The following CSMD1 variants were observed in gnomAD, a reference collection of about 807,000 sequenced individuals.
The protein encoded by CSMD1 is CUB and sushi domain-containing protein 1.
Under a neutral mutation model 417.5 loss-of-function variants are expected in CSMD1, and 213 were observed. The observed-to-expected ratio is 0.51, with a 90% CI of 0.46 to 0.57. The LOEUF is 0.57. Ranked by LOEUF, CSMD1 falls within the 20% of genes least tolerant of loss-of-function variation. The pLI is 0.00. For synonymous variants in CSMD1, 2,862 were observed against 1,736.8 expected (o/e 1.65, Z -16.11); for missense variants, 6,923 against 4,529.7 (o/e 1.53, Z -15.17).
chr8:3,787,802 T>A (rs982385807), intron 5 of CSMD1, among the ~76,000 whole-genome samples: 2 of 152,292 alleles, frequency 1.3e-5, no homozygotes, highest in Middle Eastern at 3.4e-3. Flanking sequence ...TTTAGTACTT[T>A]AAATGTGCTG....
At chr8:3,188,371 A>G (rs1159976654) in intron 35 of CSMD1, among the ~76,000 whole-genome samples, 3 of 136,756 alleles carry the variant, frequency 2.2e-5, no homozygotes, top group Non-Finnish European at 3.0e-5. Context: ...CAATGGTGCA[A>G]TCTTGGCTCA....
intron 2 of CSMD1, among the ~76,000 whole-genome samples, chr8:4,442,843 C>G (rs193006049): frequency 6.6e-6 from 1 of 152,088 alleles, no homozygotes; most frequent in Non-Finnish European, 1.5e-5. Flanking sequence ...CCTTTATTTA[C>G]ATGATTTGAG....
chr8:3,545,549 T>C (rs983264469), intron 10 of CSMD1, among the ~76,000 whole-genome samples: 1 of 152,108 alleles, frequency 6.6e-6, no homozygotes, highest in Non-Finnish European at 1.5e-5. Flanking sequence ...TCTAATGTGA[T>C]GTAGACTACA....
intron 54 of CSMD1, among the ~76,000 whole-genome samples, chr8:2,985,847 G>A (rs1805847523): frequency 1.3e-5 from 2 of 151,644 alleles, no homozygotes; most frequent in African/African-American, 2.4e-5. Context: ...ATGTGCTCCA[G>A]GAGGCCCCAG....
chr8:4,293,579 A>C (rs1001012648), intron 3 of CSMD1, among the ~76,000 whole-genome samples: 1 of 152,228 alleles, frequency 6.6e-6, no homozygotes, highest in Non-Finnish European at 1.5e-5. Flanking sequence ...TAGGCACAAT[A>C]AAAGAGCTCA....
intron 1 of CSMD1, among the ~76,000 whole-genome samples, chr8:4,715,779 C>A (rs1460408942): frequency 6.6e-6 from 1 of 152,162 alleles, no homozygotes. Flanking sequence ...TGTTATCTCC[C>A]CCTTCAAAAC....
chr8:4,286,603 G>A (rs780491253), intron 3 of CSMD1, among the ~76,000 whole-genome samples: 1 of 152,078 alleles, frequency 6.6e-6, no homozygotes, highest in South Asian at 2.1e-4. Context: ...TCATCTATTA[G>A]GTTTGGGAAC....
chr8:3,588,922 C>G (rs1800718772), intron 8 of CSMD1, among the ~76,000 whole-genome samples: 1 of 152,014 alleles, frequency 6.6e-6, no homozygotes, highest in African/African-American at 2.4e-5. Context: ...GGCAAAGGAC[C>G]TGAATAGACA....
chr8:4,078,996 G>A (rs982691822), intron 3 of CSMD1, among the ~76,000 whole-genome samples: 1 of 146,894 alleles, frequency 6.8e-6, no homozygotes, highest in Non-Finnish European at 1.5e-5. Context: ...TGCATTAACA[G>A]TATCATATGT....
intron 1 of CSMD1, among the ~76,000 whole-genome samples, chr8:4,664,441 T>G (rs1417647279): frequency 1.3e-5 from 2 of 152,074 alleles, no homozygotes; most frequent in Admixed American, 6.6e-5. Context: ...CCGCCTGTGG[T>G]CTCAGCTACT....
chr8:4,898,924 A>G (rs1055384144), intron 1 of CSMD1, among the ~76,000 whole-genome samples: 2 of 152,216 alleles, frequency 1.3e-5, no homozygotes, highest in African/African-American at 4.8e-5. Context: ...AGATTTAGAG[A>G]TAATGAATTT....
chr8:3,554,353 G>A (rs908108547), intron 10 of CSMD1, among the ~76,000 whole-genome samples: 1 of 152,216 alleles, frequency 6.6e-6, no homozygotes, highest in Non-Finnish European at 1.5e-5. Context: ...AGACCTGCTG[G>A]CTGGCGAGGG....
At chr8:3,742,718 C>CAG (rs201388373) in intron 6 of CSMD1, among the ~76,000 whole-genome samples, 346 of 148,842 alleles carry the variant, frequency 2.3e-3, no homozygotes, top group African/African-American at 7.4e-3. Context: ...TGCATAGGAT[C>CAG]AGAGAGAGAG....
intron 2 of CSMD1, among the ~76,000 whole-genome samples, chr8:4,449,039 G>C (rs569648077): frequency 6.6e-6 from 1 of 152,142 alleles, no homozygotes; most frequent in Non-Finnish European, 1.5e-5. Context: ...TATGGTTCTT[G>C]AGTAAAAGGC....
At chr8:4,501,236 G>T (rs1236965723) in intron 2 of CSMD1, among the ~76,000 whole-genome samples, 1 of 152,134 alleles carries the variant, frequency 6.6e-6, no homozygotes, top group Admixed American at 6.6e-5. Context: ...CTGGGCCAGA[G>T]ATAGAATTTA....
intron 3 of CSMD1, among the ~76,000 whole-genome samples, chr8:4,157,660 A>G (rs946756371): frequency 5.5e-4 from 84 of 152,330 alleles, no homozygotes; most frequent in African/African-American, 2.0e-3. Context: ...TTATCTGGGC[A>G]TGGGGTGAGG....
intron 25 of CSMD1, among the ~76,000 whole-genome samples, chr8:3,302,389 G>C (rs1271761005): frequency 6.6e-6 from 1 of 152,006 alleles, no homozygotes; most frequent in East Asian, 1.9e-4. Flanking sequence ...GAGTTTCCCT[G>C]GCTGCCTATC....
intron 1 of CSMD1, among the ~76,000 whole-genome samples, chr8:4,716,129 G>A (rs1345992081): frequency 2.0e-5 from 3 of 152,164 alleles, no homozygotes; most frequent in Non-Finnish European, 4.4e-5. Flanking sequence ...GCTGTGAGAT[G>A]ACCTGCCTGG....
At chr8:3,372,623 G>A (rs11781311) in intron 18 of CSMD1, among the ~76,000 whole-genome samples, 33,299 of 152,026 alleles carry the variant, frequency 0.22, 3,982 homozygotes, top group South Asian at 0.33. Flanking sequence ...GTGATTGTGA[G>A]TTCATAACCT....
Sources: gnomAD v4.1 joint callset for allele counts (sites outside exome capture counted in the v4.1 genomes callset) on GRCh38, gnomAD v4.1.1 for gene constraint, MANE v1.5 for transcripts, NCBI Gene and HGNC (gene_info 2026-07-23, HGNC 2026-07-21) for gene names.